RNF13: variants seen among roughly 807,000 people sequenced by gnomAD.
RNF13 encodes the protein ring finger protein 13, also known as E3 ubiquitin-protein ligase RNF13.
Under a neutral mutation model 37.7 loss-of-function variants are expected in RNF13, and 19 were observed. That is an observed-to-expected ratio of 0.50 (90% CI 0.35 to 0.74). RNF13 has a LOEUF of 0.74. Among genes scored for constraint, RNF13 ranks in the 30% least tolerant of loss-of-function variants. The pLI, the probability that RNF13 is intolerant of heterozygous loss-of-function variation, is 0.01. For synonymous variants in RNF13, 144 were observed against 157.8 expected (o/e 0.91, Z 0.65); for missense variants, 375 against 453.0 (o/e 0.83, Z 1.56).
In RNF13 at chr3:149,928,812, G is replaced by C. The variant is rs191283408; in HGVS notation, c.700+7585G>C. Among the ~76,000 whole-genome samples, 145 of 152,224 alleles carry C rather than the reference G, an allele frequency of 9.5e-4. 5 individuals are homozygous for C. The highest frequency in any genetic ancestry group is 9.5e-3 in the Admixed American group (145 of 15,296). ...ATTAAGTCTTCCAATCCATGAATAT[G>C]GGATGCTTTTCCATTTATTGAGGTC... On this transcript the variant is annotated intron_variant, in intron 8 of 9. Transcript: ENST00000392894.
chr3:149,917,388 G>C (rs1458042587), intron 7 of RNF13: 1 of 152,138 alleles, frequency 6.6e-6, no homozygotes, highest in African/African-American at 2.4e-5. Flanking sequence ...CACTGCACGG[G>C]GGTCATGCTA....
At chr3:149,958,598 T>A (rs180906136) in intron 8 of RNF13, among the ~76,000 whole-genome samples, 1 of 152,208 alleles carries the variant, frequency 6.6e-6, no homozygotes, top group Non-Finnish European at 1.5e-5. Context: ...ACTGTTTTGT[T>A]TTTAGTAGGC....
intron 8 of RNF13, among the ~76,000 whole-genome samples, chr3:149,956,928 A>T (rs1231377310): frequency 3.3e-5 from 5 of 152,174 alleles, no homozygotes; most frequent in Non-Finnish European, 1.5e-5. Flanking sequence ...CGCAACTCTC[A>T]GTTATGAAAA....
At chr3:149,817,193 C>T (rs1448541576) in intron 1 of RNF13, 1 of 152,202 alleles carries the variant, frequency 6.6e-6, no homozygotes, top group African/African-American at 2.4e-5. Flanking sequence ...AACCACTCCT[C>T]TGTGGGTCAG....
At chr3:149,924,017 T>C (rs1283145498) in intron 8 of RNF13, among the ~76,000 whole-genome samples, 1 of 152,142 alleles carries the variant, frequency 6.6e-6, no homozygotes, top group Non-Finnish European at 1.5e-5. Context: ...TCAGGTGTGA[T>C]ATAAATGTGG....
At chr3:149,949,513 T>A (rs887732296) in intron 8 of RNF13, among the ~76,000 whole-genome samples, 1 of 133,586 alleles carries the variant, frequency 7.5e-6, no homozygotes, top group Non-Finnish European at 1.7e-5. Flanking sequence ...TGTAGATCCC[T>A]TAGATCCCTT....
At chr3:149,857,635 G>C (rs1559910706) in intron 3 of RNF13, among the ~76,000 whole-genome samples, 1 of 152,080 alleles carries the variant, frequency 6.6e-6, no homozygotes, top group Non-Finnish European at 1.5e-5. Flanking sequence ...AACATGTTTT[G>C]TCTTTGAAAA....
intron 1 of RNF13, 52 bp from the exon 2 acceptor site, chr3:149,845,959 A>G (rs966048005): frequency 8.5e-6 from 8 of 938,446 alleles, no homozygotes; most frequent in East Asian, 7.2e-5. Flanking sequence ...CAAATGATCT[A>G]TTCCCTGGGA....
intron 1 of RNF13, among the ~76,000 whole-genome samples, chr3:149,844,107 A>C (rs1462600917): frequency 6.6e-6 from 1 of 152,174 alleles, no homozygotes; most frequent in African/African-American, 2.4e-5. Flanking sequence ...TTCCTACTAA[A>C]ATTTAATAAC....
chr3:149,889,326 T>TGTGTGTGTGTGTGTG (rs780851507), intron 4 of RNF13, among the ~76,000 whole-genome samples: 1 of 143,944 alleles, frequency 6.9e-6, no homozygotes, highest in African/African-American at 2.6e-5. Context: ...TGTGTGTGTG[T>TGTGTGTGTGTGTGTG]CGGAGTCTTG....
At chr3:149,909,440 TA>T (rs1716755649) in intron 6 of RNF13, among the ~76,000 whole-genome samples, 2 of 83,740 alleles carry the variant, frequency 2.4e-5, no homozygotes, top group African/African-American at 9.7e-5. Flanking sequence ...CATGCCTGGT[TA>T]ATTTTTTTTT....
At chr3:149,900,856 T>A (rs1039242146) in intron 5 of RNF13, among the ~76,000 whole-genome samples, 3 of 151,606 alleles carry the variant, frequency 2.0e-5, no homozygotes, top group South Asian at 4.2e-4. Flanking sequence ...TGTGTGTGTG[T>A]GAGAGAGAGA....
At chr3:149,935,732 A>T (rs1202733034) in intron 8 of RNF13, among the ~76,000 whole-genome samples, 1 of 152,184 alleles carries the variant, frequency 6.6e-6, no homozygotes, top group Non-Finnish European at 1.5e-5. Context: ...ATATTGCCTG[A>T]CTTTTAACAG....
At chr3:149,914,526 C>A (rs1717303610) in intron 7 of RNF13, among the ~76,000 whole-genome samples, 1 of 152,090 alleles carries the variant, frequency 6.6e-6, no homozygotes, top group Admixed American at 6.5e-5. Context: ...AACAAAAATA[C>A]CCTTGGAAAA....
chr3:149,821,985 C>T (rs1720034316), intron 1 of RNF13, among the ~76,000 whole-genome samples: 1 of 152,130 alleles, frequency 6.6e-6, no homozygotes, highest in Non-Finnish European at 1.5e-5. Flanking sequence ...ATGCTCAATT[C>T]TACTCCTTTG....
chr3:149,957,419 A>G (rs1307594930), intron 8 of RNF13, among the ~76,000 whole-genome samples: 2 of 151,966 alleles, frequency 1.3e-5, no homozygotes, highest in Non-Finnish European at 2.9e-5. Flanking sequence ...AAGTATTTCT[A>G]ATGCATTCAA....
At chr3:149,953,875 A>G (rs1721597360) in intron 8 of RNF13, among the ~76,000 whole-genome samples, 1 of 152,274 alleles carries the variant, frequency 6.6e-6, no homozygotes, top group Non-Finnish European at 1.5e-5. Flanking sequence ...TGCTTGGCAC[A>G]TAGAACTCAA....
At chr3:149,832,892 A>G (rs1721204897) in intron 1 of RNF13, among the ~76,000 whole-genome samples, 1 of 152,198 alleles carries the variant, frequency 6.6e-6, no homozygotes, top group African/African-American at 2.4e-5. Flanking sequence ...AAAACATTCC[A>G]AGAAAGAAAA....
intron 4 of RNF13, among the ~76,000 whole-genome samples, chr3:149,878,488 A>G (rs1713010172): frequency 6.6e-6 from 1 of 152,194 alleles, no homozygotes; most frequent in Non-Finnish European, 1.5e-5. Flanking sequence ...GGAATGTAAT[A>G]TTGGCAGGAT....
Sources: gnomAD v4.1 joint callset for allele counts (sites outside exome capture counted in the v4.1 genomes callset) on GRCh38, gnomAD v4.1.1 for gene constraint, MANE v1.5 for transcripts, NCBI Gene and HGNC (gene_info 2026-07-23, HGNC 2026-07-21) for gene names.